Variants in ACSL3 observed in about 807,000 individuals in gnomAD.
ACSL3 encodes the protein fatty acid CoA ligase Acsl3.
A neutral mutation model predicts 84.7 loss-of-function variants in ACSL3; 34 were observed. That is an observed-to-expected ratio of 0.40 (90% CI 0.31 to 0.53). The LOEUF is 0.53. ACSL3 is among the 20% of genes least tolerant of loss of function. The pLI, the probability that ACSL3 is intolerant of heterozygous loss-of-function variation, is 0.48. For missense variants in ACSL3, 680 were observed against 873.1 expected (o/e 0.78, Z 2.79); for synonymous variants, 315 against 299.4 (o/e 1.05, Z -0.54).
At chr2:222,926,379 G>A (rs1250160624) in intron 11 of ACSL3, among the ~76,000 whole-genome samples, 2 of 151,982 alleles carry the variant, frequency 1.3e-5, no homozygotes, top group Non-Finnish European at 2.9e-5. Flanking sequence ...AATTGTCACC[G>A]TGTAGTCTTC....
At chr2:222,919,294 A>G in intron 7 of ACSL3, 92 bp downstream of exon 7, 3 of 1,464,828 alleles carry the variant, frequency 2.0e-6, no homozygotes, top group African/African-American at 1.4e-5. Flanking sequence ...GGTTAGCTCA[A>G]ATGACACATC....
intron 3 of ACSL3, among the ~76,000 whole-genome samples, chr2:222,908,217 T>C (rs1696347200): frequency 1.3e-5 from 2 of 152,216 alleles, no homozygotes; most frequent in South Asian, 4.1e-4. Flanking sequence ...AAACTATCTG[T>C]AGAGCCATTG....
intron 16 of ACSL3, among the ~76,000 whole-genome samples, chr2:222,935,991 C>T (rs1002767158): frequency 2.6e-5 from 4 of 152,068 alleles, no homozygotes; most frequent in Admixed American, 6.6e-5. Flanking sequence ...ACTTGAGGTA[C>T]TTCATACATG....
Position 222,927,068 on chromosome 2 carries a change from G to T in ACSL3, c.1344G>T (p.Leu448=), listed in dbSNP as rs555745662. Reference sequence around the variant, plus strand: ...TGCTAGGGGGAAATATTCGTCTCCTGTTGTGTGGTGGCGCTCCACTTTCTG... The same window carrying T: ...TGCTAGGGGGAAATATTCGTCTCCTTTTGTGTGGTGGCGCTCCACTTTCTG... ...RSLLGGNIRL[L]LCGGAPLSAT... The change falls in exon 12 of 17, where the codon CTG becomes CTT. Residue 448 remains leucine, a synonymous_variant. Coordinates refer to ENST00000357430, the MANE Select transcript of ACSL3 (RefSeq NM_004457.5). 1.2e-6 allele frequency: 2 copies of T among 1,614,104 alleles called. No homozygotes were observed. Among genetic ancestry groups the T allele is most frequent in the Non-Finnish European group, 8.5e-7 (1 of 1,179,974 alleles).
intron 1 of ACSL3, among the ~76,000 whole-genome samples, chr2:222,875,693 A>G (rs553137288): frequency 1.8e-4 from 27 of 152,312 alleles, no homozygotes; most frequent in African/African-American, 6.3e-4. Context: ...ATGAACCTAG[A>G]TGGCCTTACT....
intron 3 of ACSL3, among the ~76,000 whole-genome samples, chr2:222,907,538 A>AT (rs1472188603): frequency 2.0e-5 from 3 of 152,118 alleles, no homozygotes; most frequent in Non-Finnish European, 4.4e-5. Flanking sequence ...AGGTGGGAGA[A>AT]TTGCTTGAAG....
chr2:222,877,386 C>T (rs1175616521), intron 1 of ACSL3, among the ~76,000 whole-genome samples: 1 of 152,102 alleles, frequency 6.6e-6, no homozygotes, highest in Admixed American at 6.5e-5. Flanking sequence ...TGGAAAGTTC[C>T]ATGAGGGCAG....
intron 1 of ACSL3, among the ~76,000 whole-genome samples, chr2:222,871,417 G>A (rs1386966587): frequency 2.0e-5 from 3 of 152,254 alleles, no homozygotes; most frequent in East Asian, 3.9e-4. Flanking sequence ...ACAAAGTTCT[G>A]GGCTTAGATG....
In ACSL3 at chr2:222,921,440, A is replaced by G. The variant is rs759815086; in HGVS notation, c.956+10A>G. 1 of 1,571,706 alleles carries G rather than the reference A, an allele frequency of 6.4e-7. No homozygotes were observed. Among genetic ancestry groups the G allele is most frequent in the Admixed American group, 1.7e-5 (1 of 59,408 alleles). ...GGATTCCAGAACTAGGGTATGTCAT[A>G]GTAAAGTAACATTGAGTAGTTAAGT... On this transcript the variant is annotated intron_variant, in intron 8 of 16. Coordinates refer to ENST00000357430, the MANE Select transcript of ACSL3 (RefSeq NM_004457.5).
chr2:222,912,809 C>T (rs11674416), intron 4 of ACSL3, among the ~76,000 whole-genome samples: 47,907 of 151,964 alleles, frequency 0.32, 7,764 homozygotes, highest in Admixed American at 0.41. Context: ...GACAGAAAAA[C>T]AAAAGGCACT....
chr2:222,934,100 AAG>A (rs1697107948), intron 15 of ACSL3, among the ~76,000 whole-genome samples: 1 of 152,204 alleles, frequency 6.6e-6, no homozygotes, highest in African/African-American at 2.4e-5. Flanking sequence ...AAAGAAAAAA[AAG>A]AATATATTCA....
At chr2:222,885,053 A>G (rs771647171) in intron 1 of ACSL3, among the ~76,000 whole-genome samples, 13 of 152,144 alleles carry the variant, frequency 8.5e-5, no homozygotes, top group African/African-American at 2.9e-4. Flanking sequence ...TTTCAGTACT[A>G]TGGTGTCATT....
chr2:222,866,072 A>C (rs1487922354), intron 1 of ACSL3, among the ~76,000 whole-genome samples: 2 of 152,238 alleles, frequency 1.3e-5, no homozygotes, highest in Non-Finnish European at 2.9e-5. Flanking sequence ...CTTTGGAATA[A>C]GGATAATAGC....
rs1697333226 is a variant in ACSL3, at chr2:222,942,307, G to T, written c.*653G>T. 5.3e-6 allele frequency: 1 copy of T among 186,924 alleles called. No homozygotes were observed. Among genetic ancestry groups the T allele is most frequent in the Non-Finnish European group, 1.1e-5 (1 of 88,200 alleles). The allele number at this position is 186,924 out of a possible 1,614,324, so 11.6% of individuals were successfully genotyped here. A position where few individuals can be genotyped will look rare whatever the true frequency, so the allele number is the denominator to read the frequency against. ...GAAAAAATGAAGTTTGGTTGGTGAT[G>T]CATGAAACAAAATAGCAAGAGAGGG... On this transcript the variant is annotated 3_prime_UTR_variant, in exon 17 of 17. Transcript: ENST00000357430.
At chr2:222,926,154 C>T (rs1321472816) in intron 11 of ACSL3, among the ~76,000 whole-genome samples, 1 of 152,040 alleles carries the variant, frequency 6.6e-6, no homozygotes, top group Non-Finnish European at 1.5e-5. Flanking sequence ...TACAGTATAA[C>T]AACTATTTAC....
intron 1 of ACSL3, among the ~76,000 whole-genome samples, chr2:222,864,958 T>C (rs1038019074): frequency 5.3e-5 from 8 of 152,230 alleles, no homozygotes; most frequent in African/African-American, 1.7e-4. Context: ...CTCATGACAG[T>C]CTTTTAGAAA....
chr2:222,901,311 G>A (rs1216030026), intron 3 of ACSL3, among the ~76,000 whole-genome samples: 1 of 152,116 alleles, frequency 6.6e-6, no homozygotes, highest in Non-Finnish European at 1.5e-5. Context: ...TGAAAAGACT[G>A]TTCTTTCCCC....
rs143259612 is a variant in ACSL3, at chr2:222,869,588, G to C, written c.-207+8330G>C. On this transcript the variant is annotated intron_variant, in intron 1 of 16. Coordinates refer to ENST00000357430, the MANE Select transcript of ACSL3 (RefSeq NM_004457.5). The stretch of plus-strand genomic sequence containing the variant: ...GATTTAGGCCATATGAAGTTACAGA[G>C]GAGATGCTGTAAATGTTAAATGAGC... 4.0e-3 allele frequency among the ~76,000 whole-genome samples: 613 copies of C among 152,358 alleles called. 5 individuals carry two copies. Among genetic ancestry groups the C allele is most frequent in the African/African-American group, 0.014 (562 of 41,562 alleles).
At chr2:222,875,209 A>T (rs913531417) in intron 1 of ACSL3, among the ~76,000 whole-genome samples, 1 of 152,092 alleles carries the variant, frequency 6.6e-6, no homozygotes, top group African/African-American at 2.4e-5. Context: ...CAGCTCTCTG[A>T]AGATTAGCTC....
Sources: gnomAD v4.1 joint callset for allele counts (sites outside exome capture counted in the v4.1 genomes callset) on GRCh38, gnomAD v4.1.1 for gene constraint, MANE v1.5 for transcripts, NCBI Gene and HGNC (gene_info 2026-07-23, HGNC 2026-07-21) for gene names.